NASP: variants seen among roughly 807,000 people sequenced by gnomAD.
NASP encodes the protein NASP histone chaperone.
NASP carries 24 observed loss-of-function variants against 89.5 expected under a neutral mutation model. The ratio of observed to expected loss-of-function variants is 0.27; its 90% CI spans 0.19 to 0.38. NASP has a LOEUF of 0.38. NASP is among the 10% of genes least tolerant of loss of function. The pLI is 1.00. For missense variants in NASP, 848 were observed against 921.4 expected, an observed-to-expected ratio of 0.92 and a Z score of 1.03; for synonymous variants, 306 against 324.7, an observed-to-expected ratio of 0.94 and a Z score of 0.62.
Position 45,618,057 on chromosome 1 carries a change from CCAGGCTGAGAAT to C in NASP, c.2292_2303del (p.Asn765_Glu768del). 1 of 1,597,378 alleles carries C rather than the reference CCAGGCTGAGAAT, an allele frequency of 6.3e-7. No individual in the cohort carries two copies. Among genetic ancestry groups the C allele is most frequent in the South Asian group, 1.1e-5 (1 of 87,936 alleles). On this transcript the variant is annotated splice_acceptor_variant and splice_polypyrimidine_tract_variant and coding_sequence_variant and intron_variant, in exon 15 of 15. Transcript: ENST00000350030. LOFTEE classifies it high-confidence loss of function. ...CTCATGCCCAGGTTCTGTTTGTCTTCCAGGCTGAGAATCAGGCTGAAAGCCGGGCAGCAGTGG... is the reference window on the plus strand; with the variant it reads ...CTCATGCCCAGGTTCTGTTTGTCTTCCAGGCTGAAAGCCGGGCAGCAGTGG...
intron 2 of NASP, among the ~76,000 whole-genome samples, chr1:45,597,048 G>A (rs964386624): frequency 3.3e-5 from 5 of 152,070 alleles, no homozygotes; most frequent in Admixed American, 1.3e-4. Context: ...GGTGGCTCAC[G>A]CATGTAATCC....
At position 45,584,050 on chromosome 1, in the gene NASP, G is replaced by C; in HGVS notation, c.-97G>C. 8.4e-7 allele frequency: 1 copy of C among 1,195,090 alleles called. No individual in the cohort carries two copies. The highest frequency in any genetic ancestry group is 1.2e-6 in the Non-Finnish European group (1 of 836,732). The allele number at this position is 1,195,090 out of a possible 1,614,324, so 74.0% of individuals were successfully genotyped here. The stretch of plus-strand genomic sequence containing the variant: ...CCCGGCCGCGCGGGGTCTCTAATCT[G>C]CCATTTTCTGTCCCTGAGTGAGTCT... On this transcript the variant is annotated 5_prime_UTR_variant, in exon 1 of 15. Transcript: ENST00000350030.
Position 45,584,126 on chromosome 1 carries a change from G to T in NASP, c.-21G>T. On this transcript the variant is annotated 5_prime_UTR_variant, in exon 1 of 15. Transcript: ENST00000350030. The stretch of plus-strand genomic sequence containing the variant: ...CTCGCAGGCTCTATTCCGTTCGCTG[G>T]TTCGCCACCTCAGGGGAACGATGGC... The T allele has an allele frequency of 2.5e-6, 4 of 1,580,792 alleles. No homozygotes were observed. Among genetic ancestry groups the T allele is most frequent in the Non-Finnish European group, 3.4e-6 (4 of 1,162,930 alleles).
chr1:45,595,840 A>G (rs562418592), intron 2 of NASP, among the ~76,000 whole-genome samples: 53 of 152,362 alleles, frequency 3.5e-4, no homozygotes, highest in African/African-American at 1.0e-3. Flanking sequence ...AATAGGAATT[A>G]TGGATGGAGC....
At chr1:45,613,517 C>G (rs1443350211) in intron 7 of NASP, among the ~76,000 whole-genome samples, 1 of 152,196 alleles carries the variant, frequency 6.6e-6, no homozygotes, top group Non-Finnish European at 1.5e-5. Context: ...GAATCTCTGT[C>G]TCTGCCCAGG....
At chr1:45,591,965 C>T (rs916307558) in intron 2 of NASP, among the ~76,000 whole-genome samples, 4 of 152,174 alleles carry the variant, frequency 2.6e-5, no homozygotes, top group African/African-American at 9.7e-5. Flanking sequence ...GGACTGTAGG[C>T]ATGCACCACC....
At chr1:45,593,520 G>A (rs1643604085) in intron 2 of NASP, among the ~76,000 whole-genome samples, 1 of 134,966 alleles carries the variant, frequency 7.4e-6, no homozygotes, top group East Asian at 2.2e-4. Flanking sequence ...GTGACAGAGT[G>A]AGACTGTCCC....
Position 45,587,685 on chromosome 1 carries a change from T to TAA in NASP, c.59+3481_59+3482insAA, listed in dbSNP as rs1226074129. 2.8e-5 allele frequency among the ~76,000 whole-genome samples: 3 copies of TAA among 107,384 alleles called. 1 individual carries two copies. The East Asian group carries it at 8.6e-4, about 31-fold the overall frequency. 70.4% of individuals were successfully genotyped at this position (107,384 alleles called of 152,430 possible). A position where few individuals can be genotyped will look rare whatever the true frequency, so the allele number is the denominator to read the frequency against. On this transcript the variant is annotated intron_variant, in intron 1 of 14. Transcript: ENST00000350030. ...TCATATATATATATATATATATATA[T>TAA]ATAATTAATTTTTTGGAGAGAGAGT...
chr1:45,589,252 G>C (rs1299950303), intron 1 of NASP, among the ~76,000 whole-genome samples: 1 of 152,030 alleles, frequency 6.6e-6, no homozygotes, highest in African/African-American at 2.4e-5. Flanking sequence ...ATCAGTCTCT[G>C]GAGTAGCTGG....
At chr1:45,584,506 G>T (rs567501486) in intron 1 of NASP, among the ~76,000 whole-genome samples, 3 of 152,194 alleles carry the variant, frequency 2.0e-5, no homozygotes, top group African/African-American at 7.2e-5. Context: ...AGCCCGGGGC[G>T]GTTGGCCGGG....
intron 1 of NASP, among the ~76,000 whole-genome samples, chr1:45,584,642 A>C (rs1432311701): frequency 1.1e-5 from 1 of 87,604 alleles, no homozygotes; most frequent in African/African-American, 4.4e-5. Context: ...GGGAAAAAAA[A>C]CCTTGCACGA....
intron 1 of NASP, among the ~76,000 whole-genome samples, chr1:45,585,730 A>G (rs1184080537): frequency 6.6e-6 from 1 of 152,146 alleles, no homozygotes; most frequent in Non-Finnish European, 1.5e-5. Flanking sequence ...TGTTGTGATC[A>G]TAGCTCACTG....
rs753470323 is a variant in NASP at position 45,613,258 on chromosome 1, T to TAGCCACTCAGTACTGTTGTC, written c.1506+15_1506+34dup. On this transcript the variant is annotated intron_variant, in intron 7 of 14. Transcript: ENST00000350030. ...AGTCCTTGAAAACAAGGTATGTTGT[T>TAGCCACTCAGTACTGTTGTC]AGCCACTCAGTACTGTTGTCAGCCT... The TAGCCACTCAGTACTGTTGTC allele has an allele frequency of 6.2e-7, 1 of 1,607,824 alleles. No homozygotes were observed. Among genetic ancestry groups the TAGCCACTCAGTACTGTTGTC allele is most frequent in the East Asian group, 2.2e-5 (1 of 44,718 alleles).
chr1:45,615,631 G>T, intron 11 of NASP, 160 bp downstream of exon 11: 1 of 664,392 alleles, frequency 1.5e-6, no homozygotes. Context: ...AAATACCCTG[G>T]AGCCCCAGAC....
chr1:45,584,329 CTGTT>C, intron 1 of NASP, 124 bp downstream of exon 1: 2 of 802,930 alleles, frequency 2.5e-6, no homozygotes, highest in Non-Finnish European at 3.8e-6. Context: ...GCAGCTGTCG[CTGTT>C]CGGGAAGGCC....
chr1:45,609,252 T>C (rs1303977942), intron 6 of NASP: 5 of 152,232 alleles, frequency 3.3e-5, no homozygotes, highest in Non-Finnish European at 2.9e-5. Context: ...TTCCAACTAA[T>C]TGTTACTTCT....
chr1:45,605,170 T>C (rs1643891836), intron 4 of NASP, among the ~76,000 whole-genome samples, 154 bp downstream of exon 4: 1 of 152,184 alleles, frequency 6.6e-6, no homozygotes, highest in African/African-American at 2.4e-5. Context: ...TTGATACAAT[T>C]AGTAGTTATA....
intron 2 of NASP, among the ~76,000 whole-genome samples, chr1:45,597,018 A>G (rs1643714713): frequency 6.6e-6 from 1 of 151,782 alleles, no homozygotes; most frequent in South Asian, 2.1e-4. Flanking sequence ...AAAAGAAATT[A>G]CCACTTGTTG....
At chr1:45,608,402 G>A in intron 6 of NASP, 65 bp downstream of exon 6, 2 of 1,496,990 alleles carry the variant, frequency 1.3e-6, no homozygotes, top group South Asian at 1.2e-5. Context: ...ACTAATTATG[G>A]GTAAAAGTCA....
Sources: gnomAD v4.1 joint callset for allele counts (sites outside exome capture counted in the v4.1 genomes callset) on GRCh38, gnomAD v4.1.1 for gene constraint, MANE v1.5 for transcripts, NCBI Gene and HGNC (gene_info 2026-07-23, HGNC 2026-07-21) for gene names.